The following FOXP1 variants were observed in gnomAD, a reference collection of about 807,000 sequenced individuals.
FOXP1 encodes the protein forkhead box protein P1.
A neutral mutation model predicts 98.2 loss-of-function variants in FOXP1; 15 were observed. That is an observed-to-expected ratio of 0.15 (90% CI 0.10 to 0.24). FOXP1 has a LOEUF of 0.24. FOXP1 is among the 10% of genes least tolerant of loss of function. The pLI is 1.00. For synonymous variants in FOXP1, 371 were observed against 314.5 expected, an observed-to-expected ratio of 1.18 and a Z score of -1.90; for missense variants, 633 against 848.5, an observed-to-expected ratio of 0.75 and a Z score of 3.15.
intron 12 of FOXP1, among the ~76,000 whole-genome samples, chr3:71,013,434 A>T (rs1376236864): frequency 6.6e-6 from 1 of 152,196 alleles, no homozygotes; most frequent in African/African-American, 2.4e-5. Context: ...TAGGAACCCA[A>T]CTTGCAAGGG....
At chr3:71,293,069 G>C (rs1160782103) in intron 5 of FOXP1, among the ~76,000 whole-genome samples, 1 of 152,050 alleles carries the variant, frequency 6.6e-6, no homozygotes, top group African/African-American at 2.4e-5. Context: ...ATACTGAGGG[G>C]GTAGGCCCAC....
At chr3:71,021,696 C>T (rs139721066) in intron 11 of FOXP1, among the ~76,000 whole-genome samples, 1 of 152,274 alleles carries the variant, frequency 6.6e-6, no homozygotes, top group African/African-American at 2.4e-5. Context: ...ATACTTGTTA[C>T]GTATCTTTAT....
chr3:71,559,867 G>C (rs1355245658), intron 2 of FOXP1, among the ~76,000 whole-genome samples: 1 of 151,898 alleles, frequency 6.6e-6, no homozygotes, highest in African/African-American at 2.4e-5. Flanking sequence ...GGGGTTGCGG[G>C]GGGGACCTAC....
chr3:71,309,205 T>C (rs1184323940), intron 4 of FOXP1, among the ~76,000 whole-genome samples: 1 of 152,170 alleles, frequency 6.6e-6, no homozygotes, highest in Non-Finnish European at 1.5e-5. Flanking sequence ...TCTCGATCCA[T>C]CCATCCATCA....
Position 71,483,512 on chromosome 3 carries a change from T to A in FOXP1, c.-168+9914A>T, listed in dbSNP as rs1246503013. Among the ~76,000 whole-genome samples, 3 of 152,132 alleles carry A rather than the reference T, an allele frequency of 2.0e-5. No homozygotes were observed. In the East Asian group the frequency reaches 5.8e-4, roughly 29 times the overall value. On this transcript the variant is annotated intron_variant, in intron 3 of 20. Coordinates refer to ENST00000649528, the MANE Select transcript of FOXP1 (RefSeq NM_001349338.3). ...CTGCCACCAGTGAGCTAGTTTTTAC[T>A]CTTAAAGGGCTGGGGGAAAATGAAA... is the stretch of plus-strand genomic sequence containing the variant.
intron 13 of FOXP1, 40 bp downstream of exon 13, chr3:71,000,932 G>C: frequency 7.6e-7 from 1 of 1,312,916 alleles, no homozygotes; most frequent in Non-Finnish European, 1.1e-6. Context: ...TGGAATTTGA[G>C]GCATACTGAG....
At chr3:71,515,856 A>G (rs781650095) in intron 2 of FOXP1, among the ~76,000 whole-genome samples, 4 of 152,224 alleles carry the variant, frequency 2.6e-5, no homozygotes, top group Non-Finnish European at 5.9e-5. Flanking sequence ...AAAAAACGTC[A>G]TCTTTTTAAG....
rs1176453572 is a variant in FOXP1 at position 71,151,405 on chromosome 3, A to G, written c.181-38768T>C. Among the ~76,000 whole-genome samples, 3 of 152,160 alleles carry G rather than the reference A, an allele frequency of 2.0e-5. 1 individual carries two copies. The highest frequency in any genetic ancestry group is 4.8e-5 in the African/African-American group (2 of 41,448). On this transcript the variant is annotated intron_variant, in intron 6 of 20. Transcript: ENST00000649528. ...ACAAAGTTGTATTGGGGGAGCACTT[A>G]TGATTGTGGGGAAACAGGACAAAGA...
At chr3:71,483,292 T>C (rs1041302192) in intron 3 of FOXP1, among the ~76,000 whole-genome samples, 4 of 152,208 alleles carry the variant, frequency 2.6e-5, no homozygotes, top group African/African-American at 4.8e-5. Flanking sequence ...AAATCAATAA[T>C]TATGCAGAAC....
At chr3:71,511,426 T>C (rs2042197013) in intron 2 of FOXP1, among the ~76,000 whole-genome samples, 1 of 152,000 alleles carries the variant, frequency 6.6e-6, no homozygotes, top group Non-Finnish European at 1.5e-5. Context: ...GCATTCCATG[T>C]GGAATGTCAG....
At chr3:71,336,010 C>CAAAAAAAAAA (rs60051890) in intron 4 of FOXP1, among the ~76,000 whole-genome samples, 2 of 34,090 alleles carry the variant, frequency 5.9e-5, no homozygotes, top group African/African-American at 1.5e-4. Flanking sequence ...AACTCCATCT[C>CAAAAAAAAAA]AAAAAAAAAA....
chr3:71,065,211 G>A (rs148009583), intron 7 of FOXP1, among the ~76,000 whole-genome samples: 5,128 of 151,958 alleles, frequency 0.034, 303 homozygotes, highest in African/African-American at 0.12. Flanking sequence ...CTGACGTCTG[G>A]GTCGGCCGGG....
At chr3:71,096,864 TC>T (rs2056505653) in intron 7 of FOXP1, among the ~76,000 whole-genome samples, 1 of 152,042 alleles carries the variant, frequency 6.6e-6, no homozygotes, top group South Asian at 2.1e-4. Flanking sequence ...TTCCTGAATC[TC>T]AAAATACCCA....
At chr3:71,527,580 C>G (rs2043493569) in intron 2 of FOXP1, among the ~76,000 whole-genome samples, 1 of 152,228 alleles carries the variant, frequency 6.6e-6, no homozygotes, top group Non-Finnish European at 1.5e-5. Flanking sequence ...AGCTTCAAGT[C>G]CAACTCCATC....
intron 6 of FOXP1, among the ~76,000 whole-genome samples, chr3:71,137,263 C>A (rs1034637540): frequency 6.6e-6 from 1 of 152,162 alleles, no homozygotes; most frequent in Non-Finnish European, 1.5e-5. Context: ...GGCTTTCAAA[C>A]TGACACTTTG....
At chr3:70,964,870 A>G (rs1214083486) in intron 20 of FOXP1, among the ~76,000 whole-genome samples, 2 of 152,156 alleles carry the variant, frequency 1.3e-5, no homozygotes, top group African/African-American at 2.4e-5. Context: ...GGCAGATAAC[A>G]CTTTTTTCTT....
chr3:71,068,371 G>T (rs569697307), intron 7 of FOXP1, among the ~76,000 whole-genome samples: 2 of 152,200 alleles, frequency 1.3e-5, no homozygotes, highest in Non-Finnish European at 2.9e-5. Context: ...TCAGAGCTGA[G>T]AATGGAGATA....
chr3:71,535,162 C>T (rs879602560), intron 2 of FOXP1, among the ~76,000 whole-genome samples: 1 of 152,226 alleles, frequency 6.6e-6, no homozygotes, highest in African/African-American at 2.4e-5. Flanking sequence ...TTTGATCCCA[C>T]ATGCCCCACA....
intron 12 of FOXP1, among the ~76,000 whole-genome samples, chr3:71,015,119 C>T (rs1291757035): frequency 2.6e-5 from 4 of 151,432 alleles, no homozygotes; most frequent in Non-Finnish European, 4.4e-5. Context: ...CACACGTACC[C>T]TAGAACTTAA....
Sources: gnomAD v4.1 joint callset for allele counts (sites outside exome capture counted in the v4.1 genomes callset) on GRCh38, gnomAD v4.1.1 for gene constraint, MANE v1.5 for transcripts, NCBI Gene and HGNC (gene_info 2026-07-23, HGNC 2026-07-21) for gene names.